ESR1: variants seen among roughly 807,000 people sequenced by gnomAD.
The protein encoded by ESR1 is estrogen receptor 1.
In ESR1, 12 loss-of-function variants were observed where a neutral mutation model predicts 52.7. The ratio of observed to expected loss-of-function variants is 0.23; its 90% CI spans 0.15 to 0.37. The LOEUF (loss-of-function observed/expected upper bound fraction) is 0.37, where lower values mean the gene tolerates loss of function less well. Ranked by LOEUF, ESR1 falls within the 10% of genes least tolerant of loss-of-function variation. ESR1 has a pLI of 1.00. For synonymous variants in ESR1, 305 were observed against 316.8 expected (o/e 0.96, Z 0.39); for missense variants, 584 against 779.7 (o/e 0.75, Z 2.99).
chr6:151,835,114 A>G (rs1427900994), intron 1 of ESR1, among the ~76,000 whole-genome samples: 1 of 152,160 alleles, frequency 6.6e-6, no homozygotes, highest in Non-Finnish European at 1.5e-5. Flanking sequence ...TTTTCAGAGA[A>G]GAGGAAGGGT....
chr6:151,837,650 T>A (rs1284933910), intron 1 of ESR1, among the ~76,000 whole-genome samples: 1 of 152,234 alleles, frequency 6.6e-6, no homozygotes, highest in African/African-American at 2.4e-5. Context: ...GATCTTCAGC[T>A]CTATTTCTTT....
At chr6:151,699,582 C>T (rs1173940142) in intron 1 of ESR1, among the ~76,000 whole-genome samples, 1 of 152,190 alleles carries the variant, frequency 6.6e-6, no homozygotes, top group African/African-American at 2.4e-5. Context: ...TTAACCAAGG[C>T]AACCCTCAAA....
At chr6:152,113,570 CATATT>C (rs2051172789) in intron 6 of ESR1, among the ~76,000 whole-genome samples, 2 of 150,302 alleles carry the variant, frequency 1.3e-5, no homozygotes, top group Non-Finnish European at 2.9e-5. Flanking sequence ...GGGAAGATCT[CATATT>C]GTGTGTGTGT....
intron 6 of ESR1, among the ~76,000 whole-genome samples, chr6:152,062,317 C>T (rs370316143): frequency 2.6e-5 from 4 of 152,248 alleles, no homozygotes; most frequent in East Asian, 3.9e-4. Flanking sequence ...AATGCCAATC[C>T]CTTCCCACCT....
At chr6:151,691,863 AT>A (rs1778973999) in intron 1 of ESR1, among the ~76,000 whole-genome samples, 4 of 152,306 alleles carry the variant, frequency 2.6e-5, no homozygotes, top group African/African-American at 9.6e-5. Flanking sequence ...ATTTTCTTTG[AT>A]TTTGTTAATA....
chr6:151,820,969 A>T (rs1780468523), intron 1 of ESR1, among the ~76,000 whole-genome samples: 1 of 152,200 alleles, frequency 6.6e-6, no homozygotes, highest in African/African-American at 2.4e-5. Context: ...CTCTTTGCAC[A>T]AATAACATCA....
At chr6:151,996,337 A>G (rs1016364645) in intron 4 of ESR1, among the ~76,000 whole-genome samples, 2 of 151,782 alleles carry the variant, frequency 1.3e-5, no homozygotes, top group African/African-American at 4.8e-5. Context: ...GGGACCTCCC[A>G]CTGTCCTCTC....
intron 3 of ESR1, among the ~76,000 whole-genome samples, chr6:151,895,943 C>T (rs1795426599): frequency 6.6e-6 from 1 of 152,178 alleles, no homozygotes; most frequent in African/African-American, 2.4e-5. Flanking sequence ...GCACCTGCCA[C>T]CACACCCAGC....
intron 3 of ESR1, among the ~76,000 whole-genome samples, chr6:151,930,467 C>G (rs933828107): frequency 7.9e-5 from 12 of 152,136 alleles, no homozygotes; most frequent in Non-Finnish European, 1.5e-4. Context: ...TCATTTATTT[C>G]ATTTCACTTA....
chr6:152,008,245 A>G lies in ESR1; in HGVS notation c.1097-3411A>G, dbSNP rs544682065. Among the ~76,000 whole-genome samples, 13 of 152,196 alleles carry G rather than the reference A, an allele frequency of 8.5e-5. 1 individual carries two copies. The highest frequency in any genetic ancestry group is 6.2e-4 in the South Asian group (3 of 4,830). On this transcript the variant is annotated intron_variant, in intron 4 of 7. Transcript: ENST00000206249. ...AACCTTTCCTGCACACTCTCTCCCA[A>G]CCCTGACCCAGGAACTTGCAGAGCA...
At chr6:152,068,541 C>T (rs1420436011) in intron 6 of ESR1, among the ~76,000 whole-genome samples, 1 of 152,096 alleles carries the variant, frequency 6.6e-6, no homozygotes, top group African/African-American at 2.4e-5. Flanking sequence ...AAAACCATCC[C>T]CCAAGACTAA....
intron 3 of ESR1, among the ~76,000 whole-genome samples, chr6:151,930,975 T>A (rs895647370): frequency 1.3e-5 from 2 of 152,206 alleles, no homozygotes; most frequent in Admixed American, 1.3e-4. Flanking sequence ...CTTTGGTTTT[T>A]CTACAGTTTG....
chr6:152,019,188 A>G (rs940431095), intron 5 of ESR1, among the ~76,000 whole-genome samples: 7 of 152,218 alleles, frequency 4.6e-5, no homozygotes, highest in Admixed American at 6.5e-5. Context: ...CAAAATATCC[A>G]TTTGACTAGA....
chr6:151,828,932 C>T (rs1781943438), intron 1 of ESR1, among the ~76,000 whole-genome samples: 1 of 152,136 alleles, frequency 6.6e-6, no homozygotes, highest in Non-Finnish European at 1.5e-5. Context: ...GCTCTTTGAC[C>T]TCACTTACTG....
chr6:151,721,020 A>G (rs889401694), intron 2 of ESR1, among the ~76,000 whole-genome samples: 2 of 152,264 alleles, frequency 1.3e-5, no homozygotes, highest in Non-Finnish European at 1.5e-5. Context: ...GGCTTACAGT[A>G]CAGTGAGAGA....
chr6:151,943,860 T>C (rs1397714482), intron 3 of ESR1, among the ~76,000 whole-genome samples: 1 of 152,212 alleles, frequency 6.6e-6, no homozygotes. Context: ...CACCAAAGCC[T>C]ACTGTTCAAT....
chr6:151,785,073 G>A (rs749870170), intron 2 of ESR1, among the ~76,000 whole-genome samples: 2 of 152,246 alleles, frequency 1.3e-5, no homozygotes, highest in African/African-American at 2.4e-5. Flanking sequence ...GATGGTTGGT[G>A]TCAACCATAT....
chr6:152,085,141 T>C (rs2049594106), intron 6 of ESR1, among the ~76,000 whole-genome samples: 1 of 152,028 alleles, frequency 6.6e-6, no homozygotes, highest in Non-Finnish European at 1.5e-5. Context: ...GTGTCTGGCA[T>C]AGATGTCTAG....
At chr6:151,771,292 C>T (rs980898092) in intron 2 of ESR1, among the ~76,000 whole-genome samples, 3 of 152,148 alleles carry the variant, frequency 2.0e-5, no homozygotes, top group Non-Finnish European at 4.4e-5. Context: ...TAATTGAAAG[C>T]GTTTATCCTC....
Sources: gnomAD v4.1 joint callset for allele counts (sites outside exome capture counted in the v4.1 genomes callset) on GRCh38, gnomAD v4.1.1 for gene constraint, MANE v1.5 for transcripts, NCBI Gene and HGNC (gene_info 2026-07-23, HGNC 2026-07-21) for gene names.